PTPRT: variants seen among roughly 807,000 people sequenced by gnomAD.
PTPRT encodes the protein receptor-type tyrosine-protein phosphatase T.
PTPRT carries 56 observed loss-of-function variants against 176.8 expected under a neutral mutation model. The ratio of observed to expected loss-of-function variants is 0.32; its 90% CI spans 0.26 to 0.40. PTPRT has a LOEUF of 0.40. PTPRT is among the 10% of genes least tolerant of loss of function. The pLI, the probability that PTPRT is intolerant of heterozygous loss-of-function variation, is 1.00. For synonymous variants in PTPRT, 783 were observed against 739.0 expected (o/e 1.06, Z -0.96); for missense variants, 1,540 against 1,908.2 (o/e 0.81, Z 3.60).
intron 2 of PTPRT, among the ~76,000 whole-genome samples, chr20:42,856,741 T>A (rs901875673): frequency 1.3e-5 from 2 of 152,028 alleles, no homozygotes; most frequent in African/African-American, 4.8e-5. Context: ...CATCTAGTCA[T>A]CGTCAATGAC....
At chr20:42,310,862 A>G (rs1350528655) in intron 12 of PTPRT, among the ~76,000 whole-genome samples, 1 of 152,196 alleles carries the variant, frequency 6.6e-6, no homozygotes, top group Non-Finnish European at 1.5e-5. Context: ...ATTGGAACAA[A>G]ATTCCCAACA....
rs73909913 is a variant in PTPRT, at chr20:42,621,521, C to G, written c.1153+56345G>C. Among the ~76,000 whole-genome samples the G allele has an allele frequency of 5.9e-3, 894 of 152,292 alleles. 10 individuals carry two copies. Among genetic ancestry groups the G allele is most frequent in the African/African-American group, 0.02 (850 of 41,572 alleles). On this transcript the variant is annotated intron_variant, in intron 7 of 30. Coordinates refer to ENST00000373187, the MANE Select transcript of PTPRT (RefSeq NM_007050.6). ...CTCCTGCCATGGATTCCTCCATTGC[C>G]CTCTTAAGGGGCCGCTTGGCAAGCA...
At position 43,108,134 on chromosome 20, in the gene PTPRT, C is replaced by A. The variant is rs2012698214; in HGVS notation, c.88+81512G>T. On this transcript the variant is annotated intron_variant, in intron 1 of 30. Transcript: ENST00000373187. ...ACCTGAGGATGGGTGGGTCTTCCGACCACTTTGACCAGTAGGATATGGCAG... is the reference window on the plus strand; with the variant it reads ...ACCTGAGGATGGGTGGGTCTTCCGAACACTTTGACCAGTAGGATATGGCAG... 3.3e-5 allele frequency among the ~76,000 whole-genome samples: 5 copies of A among 152,188 alleles called. No individual in the cohort carries two copies. The South Asian group carries it at 8.3e-4, about 25-fold the overall frequency.
chr20:42,469,234 C>T (rs1046325811), intron 8 of PTPRT, among the ~76,000 whole-genome samples: 18 of 152,228 alleles, frequency 1.2e-4, no homozygotes, highest in African/African-American at 4.3e-4. Flanking sequence ...GACAGAGTCT[C>T]GCTCTGTCAC....
At chr20:42,036,254 G>A in the PTPRT span, among the ~76,000 whole-genome samples, 1 of 152,184 alleles carries the variant, frequency 6.6e-6, no homozygotes, top group Non-Finnish European at 1.5e-5. Flanking sequence ...TCTGAGTTAG[G>A]ACAAGTGGAC....
At chr20:42,946,457 C>A (rs1430855070) in intron 1 of PTPRT, among the ~76,000 whole-genome samples, 3 of 152,170 alleles carry the variant, frequency 2.0e-5, no homozygotes, top group African/African-American at 7.2e-5. Flanking sequence ...CTAACCAACC[C>A]CAAAAGTTTA....
At chr20:42,711,369 A>G (rs894499783) in intron 6 of PTPRT, among the ~76,000 whole-genome samples, 2 of 111,968 alleles carry the variant, frequency 1.8e-5, no homozygotes, top group African/African-American at 1.2e-4. Flanking sequence ...TGTTTGGGTC[A>G]TGGGGGGCAG....
intron 15 of PTPRT, among the ~76,000 whole-genome samples, chr20:42,227,217 A>G (rs2056033868): frequency 6.6e-6 from 1 of 151,968 alleles, no homozygotes; most frequent in Admixed American, 6.6e-5. Flanking sequence ...GGAGGGAAGG[A>G]AAGGGAAGGG....
intron 1 of PTPRT, among the ~76,000 whole-genome samples, chr20:42,901,311 A>G (rs1292882472): frequency 6.6e-6 from 1 of 152,164 alleles, no homozygotes; most frequent in Non-Finnish European, 1.5e-5. Context: ...TGTCATGAGG[A>G]TTAAATAACA....
At chr20:42,601,791 G>C (rs1227509836) in intron 7 of PTPRT, among the ~76,000 whole-genome samples, 1 of 152,098 alleles carries the variant, frequency 6.6e-6, no homozygotes, top group Non-Finnish European at 1.5e-5. Context: ...CATGACCTTA[G>C]TTTTCTCATC....
In PTPRT at chr20:42,448,251, T is replaced by C. The variant is rs200887575; in HGVS notation, c.1529A>G (p.Asn510Ser). The change falls in exon 9 of 31, where the codon AAT (asparagine) becomes AGT (serine). Residue 510 changes from asparagine (N) to serine (S), a missense_variant. Physicochemically the swap from Asn to Ser is conservative, Grantham distance 46. Around this residue, in one of 11 missense-constraint regions of PTPRT, gnomAD observed 136 missense variants for 135.0 expected, o/e 1.01. Coordinates refer to ENST00000373187, the MANE Select transcript of PTPRT (RefSeq NM_007050.6). ...GAGCGTGATGACCCCATTGGTCTCA[T>C]TGGGAGGTTTCCACTGGATGTAGAT... Reference protein sequence around the residue: ...EKIYIQWKPPNETNGVITLYE... With the variant: ...EKIYIQWKPPSETNGVITLYE... 41 of 1,612,814 alleles carry C rather than the reference T, an allele frequency of 2.5e-5. No homozygotes were observed. Among genetic ancestry groups the C allele is most frequent in the Non-Finnish European group, 3.0e-5 (35 of 1,178,962 alleles).
At chr20:42,250,496 CT>C (rs372445344) in intron 13 of PTPRT, among the ~76,000 whole-genome samples, 5,566 of 151,476 alleles carry the variant, frequency 0.037, 119 homozygotes, top group Middle Eastern at 0.12. Context: ...GATGCACCCC[CT>C]TTTTTTTTGC....
Position 43,068,382 on chromosome 20 carries a change from T to G in PTPRT, c.88+121264A>C, listed in dbSNP as rs1404861701. Among the ~76,000 whole-genome samples, 4 of 151,020 alleles carry G rather than the reference T, an allele frequency of 2.6e-5. No homozygotes were observed. In the East Asian group the frequency reaches 8.0e-4, roughly 30 times the overall value. ...TAGCCGGGCATGGTGGCGGGGAACC[T>G]GTAGTCCCAGCTACTCAGGAGGCTG... is the stretch of plus-strand genomic sequence containing the variant. On this transcript the variant is annotated intron_variant, in intron 1 of 30. Transcript: ENST00000373187.
chr20:42,271,332 CTG>C (rs1418819314), intron 13 of PTPRT, among the ~76,000 whole-genome samples: 1 of 152,228 alleles, frequency 6.6e-6, no homozygotes, highest in African/African-American at 2.4e-5. Flanking sequence ...TGGCTGATAA[CTG>C]TTCATCCGTC....
intron 7 of PTPRT, among the ~76,000 whole-genome samples, chr20:42,515,360 G>A (rs890022209): frequency 7.2e-5 from 11 of 152,038 alleles, no homozygotes; most frequent in East Asian, 3.9e-4. Context: ...GCATGTGCCC[G>A]TAATCCCAGT....
At chr20:43,056,309 A>G (rs1182144530) in intron 1 of PTPRT, among the ~76,000 whole-genome samples, 2 of 152,092 alleles carry the variant, frequency 1.3e-5, no homozygotes, top group Non-Finnish European at 2.9e-5. Context: ...CTCTCATCCC[A>G]CTACCTTGCA....
chr20:42,913,015 A>G lies in PTPRT; in HGVS notation c.89-27083T>C, dbSNP rs1978497742. 2.6e-5 allele frequency among the ~76,000 whole-genome samples: 4 copies of G among 152,158 alleles called. No individual in the cohort carries two copies. The South Asian group carries it at 8.3e-4, about 32-fold the overall frequency. ...ACCTCTTACTACGGATGGCCTTGGG[A>G]AAGTTTGCCAATGTCTCTGTGCCTT... On this transcript the variant is annotated intron_variant, in intron 1 of 30. Coordinates refer to ENST00000373187, the MANE Select transcript of PTPRT (RefSeq NM_007050.6).
intron 9 of PTPRT, among the ~76,000 whole-genome samples, chr20:42,419,732 T>A (rs2059099829): frequency 6.6e-6 from 1 of 152,186 alleles, no homozygotes; most frequent in African/African-American, 2.4e-5. Context: ...GAGGATCACC[T>A]GAAGACCTTC....
chr20:42,258,053 T>C (rs2056679794), intron 13 of PTPRT, among the ~76,000 whole-genome samples: 1 of 152,078 alleles, frequency 6.6e-6, no homozygotes, highest in Non-Finnish European at 1.5e-5. Context: ...GGAGAGACCG[T>C]TCAGCAGAGA....
Sources: gnomAD v4.1 joint callset for allele counts (sites outside exome capture counted in the v4.1 genomes callset) on GRCh38, gnomAD v4.1.1 for gene constraint, gnomAD v4.1.1 regional missense constraint, MANE v1.5 for transcripts, NCBI Gene and HGNC (gene_info 2026-07-23, HGNC 2026-07-21) for gene names.